Variants in RBFOX1 observed in about 807,000 individuals in gnomAD.
RBFOX1 encodes the protein RNA binding fox-1 homolog 1, also known as RNA binding protein fox-1 homolog 1.
A neutral mutation model predicts 57.7 loss-of-function variants in RBFOX1; 8 were observed. The ratio of observed to expected loss-of-function variants is 0.14; its 90% confidence interval spans 0.08 to 0.25. The LOEUF (loss-of-function observed/expected upper bound fraction) is 0.25, where lower values mean the gene tolerates loss of function less well. Ranked by LOEUF, RBFOX1 falls within the 10% of genes least tolerant of loss-of-function variation. The pLI is 1.00. For missense variants in RBFOX1, 611 were observed against 548.5 expected, an observed-to-expected ratio of 1.11 and a Z score of -1.14; for synonymous variants, 326 against 222.4, an observed-to-expected ratio of 1.47 and a Z score of -4.15.
chr16:5,565,270 CGT>C (rs1194068985), intron 2 of RBFOX1, among the ~76,000 whole-genome samples: 2 of 152,008 alleles, frequency 1.3e-5, no homozygotes, highest in African/African-American at 2.4e-5. Context: ...TGTGTGTGTG[CGT>C]GTGTGCACGT....
chr16:5,483,984 A>C (rs11646564), intron 2 of RBFOX1, among the ~76,000 whole-genome samples: 1,712 of 152,242 alleles, frequency 0.011, 12 homozygotes, highest in Non-Finnish European at 0.018. Flanking sequence ...TAGCCTGAGC[A>C]ATATAGTAAG....
intron 3 of RBFOX1, among the ~76,000 whole-genome samples, chr16:6,856,943 G>A (rs553488286): frequency 1.3e-5 from 2 of 152,250 alleles, no homozygotes; most frequent in East Asian, 1.9e-4. Context: ...GAAAACGAAC[G>A]GAGGGACATG....
intron 2 of RBFOX1, among the ~76,000 whole-genome samples, chr16:6,599,016 C>A (rs532428589): frequency 1.3e-5 from 2 of 152,250 alleles, no homozygotes; most frequent in East Asian, 3.9e-4. Flanking sequence ...TGACAACTGA[C>A]AAGATCTGTC....
chr16:5,943,957 A>G (rs1192393019), intron 4 of RBFOX1, among the ~76,000 whole-genome samples: 4 of 148,902 alleles, frequency 2.7e-5, no homozygotes, highest in African/African-American at 1.0e-4. Flanking sequence ...CCATCCATCC[A>G]TCCATCCACC....
Position 6,992,899 on chromosome 16 carries a change from G to A in RBFOX1, c.-15-59158G>A, listed in dbSNP as rs7203429. Among the ~76,000 whole-genome samples, 685 of 151,118 alleles carry A rather than the reference G, an allele frequency of 4.5e-3. 1 individual carries two copies. The highest frequency in any genetic ancestry group is 7.5e-3 in the South Asian group (36 of 4,770). On this transcript the variant is annotated intron_variant, in intron 3 of 15. Transcript: ENST00000550418. ...TATTCAGTGCCCACCGCCCAAGCAC[G>A]GTGTCATTCACAAGGAATTATAATG...
At chr16:7,502,366 G>A (rs994136164) in intron 4 of RBFOX1, among the ~76,000 whole-genome samples, 1 of 152,214 alleles carries the variant, frequency 6.6e-6, no homozygotes, top group African/African-American at 2.4e-5. Flanking sequence ...TTTCATGTAA[G>A]AAAATCGAAT....
At chr16:5,508,235 G>A (rs1481261993) in intron 2 of RBFOX1, among the ~76,000 whole-genome samples, 2 of 152,210 alleles carry the variant, frequency 1.3e-5, no homozygotes, top group African/African-American at 4.8e-5. Flanking sequence ...TGGCCAGGGC[G>A]AGGGTCTCAT....
chr16:6,758,383 A>T (rs565724216), intron 3 of RBFOX1, among the ~76,000 whole-genome samples: 1 of 152,240 alleles, frequency 6.6e-6, no homozygotes, highest in African/African-American at 2.4e-5. Flanking sequence ...TGTTCAAGAG[A>T]TTAACCAGAC....
chr16:7,112,336 G>A (rs1164397101), intron 4 of RBFOX1, among the ~76,000 whole-genome samples: 2 of 151,722 alleles, frequency 1.3e-5, no homozygotes, highest in Admixed American at 6.6e-5. Flanking sequence ...CAAAGTATCT[G>A]GGACTACAGG....
intron 2 of RBFOX1, among the ~76,000 whole-genome samples, chr16:6,360,253 T>C (rs940764763): frequency 1.3e-5 from 2 of 151,122 alleles, no homozygotes; most frequent in Non-Finnish European, 3.0e-5. Context: ...TTTTTTTTTT[T>C]CCAATGTGGA....
intron 3 of RBFOX1, among the ~76,000 whole-genome samples, chr16:6,780,454 T>TTATATATATTTATAGATATA (rs1567217635): frequency 1.0e-5 from 1 of 100,102 alleles, no homozygotes; most frequent in Non-Finnish European, 1.8e-5. Flanking sequence ...ATATATACAT[T>TTATATATATTTATAGATATA]TTTATATATA....
At chr16:7,179,967 T>G (rs2082374593) in intron 4 of RBFOX1, among the ~76,000 whole-genome samples, 1 of 151,964 alleles carries the variant, frequency 6.6e-6, no homozygotes, top group Non-Finnish European at 1.5e-5. Context: ...GATCTAGAAC[T>G]CCTGACCTCA....
At chr16:6,169,779 T>C (rs2096944646) in intron 1 of RBFOX1, among the ~76,000 whole-genome samples, 1 of 152,168 alleles carries the variant, frequency 6.6e-6, no homozygotes, top group African/African-American at 2.4e-5. Flanking sequence ...CTTATTTATT[T>C]ATTTAGGTGG....
intron 4 of RBFOX1, among the ~76,000 whole-genome samples, chr16:5,956,240 C>T (rs965385716): frequency 1.3e-5 from 2 of 152,282 alleles, no homozygotes; most frequent in Admixed American, 6.5e-5. Flanking sequence ...TACTCCACTG[C>T]ACTGCATCCT....
At chr16:6,956,187 T>C (rs2081797113) in intron 3 of RBFOX1, among the ~76,000 whole-genome samples, 1 of 152,070 alleles carries the variant, frequency 6.6e-6, no homozygotes, top group East Asian at 1.9e-4. Context: ...AGGATGAGAA[T>C]GGAGATGGGA....
chr16:6,987,858 C>T (rs1016398342), intron 3 of RBFOX1, among the ~76,000 whole-genome samples: 2 of 152,108 alleles, frequency 1.3e-5, no homozygotes, highest in African/African-American at 4.8e-5. Flanking sequence ...ATTGGGAGGG[C>T]ATCTCAAAGC....
chr16:6,031,471 C>G (rs372333008), intron 1 of RBFOX1, among the ~76,000 whole-genome samples: 3 of 152,100 alleles, frequency 2.0e-5, no homozygotes, highest in Admixed American at 2.0e-4. Flanking sequence ...AAGATAGGTG[C>G]GAGAATAAGG....
chr16:5,705,970 G>C (rs564331855), intron 3 of RBFOX1, among the ~76,000 whole-genome samples: 1 of 152,156 alleles, frequency 6.6e-6, no homozygotes, highest in Non-Finnish European at 1.5e-5. Context: ...GAGTGCAGTG[G>C]TGTGCTCTCC....
intron 3 of RBFOX1, among the ~76,000 whole-genome samples, chr16:6,823,399 T>C (rs1212768199): frequency 1.3e-5 from 2 of 151,952 alleles, no homozygotes; most frequent in Non-Finnish European, 2.9e-5. Context: ...TAGTATTATA[T>C]ATGTGCGCCA....
Sources: allele counts gnomAD v4.1 joint callset (sites outside exome capture counted in the v4.1 genomes callset), GRCh38; gene constraint gnomAD v4.1.1; transcripts MANE v1.5; gene names NCBI Gene and HGNC (gene_info 2026-07-23, HGNC 2026-07-21).